Variants in PRRT2 observed in about 807,000 individuals in gnomAD.
PRRT2 encodes proline rich transmembrane protein 2, also known as proline-rich transmembrane protein 2.
Under a neutral mutation model 24.7 loss-of-function variants are expected in PRRT2, and 9 were observed. That is an observed-to-expected ratio of 0.36 (90% CI 0.22 to 0.64). The LOEUF is 0.64. Among genes scored for constraint, PRRT2 ranks in the 30% least tolerant of loss-of-function variants. The probability of loss-of-function intolerance (pLI) is 0.65; values close to 1 mark genes in which losing one functional copy is unlikely to be tolerated. For synonymous variants in PRRT2, 195 were observed against 175.5 expected (o/e 1.11, Z -0.88); for missense variants, 460 against 435.0 (o/e 1.06, Z -0.51).
intron 1 of PRRT2, 34 bp from the exon 2 acceptor site, chr16:29,812,956 C>T: frequency 7.4e-7 from 1 of 1,355,922 alleles, no homozygotes; most frequent in Admixed American, 2.3e-5. Flanking sequence ...GCCCTCTTCC[C>T]TCCTCACCCC....
Position 29,813,653 on chromosome 16 carries a change from C to G in PRRT2, c.599C>G (p.Pro200Arg), listed in dbSNP as rs764829321. The G allele has an allele frequency of 3.1e-6, 5 of 1,611,906 alleles. No individual in the cohort carries two copies. Among genetic ancestry groups the G allele is most frequent in the African/African-American group, 1.3e-5 (1 of 74,860 alleles). Residue 200 changes from proline (P) to arginine (R), a missense_variant, in exon 2 of 4, where the codon CCT (proline) becomes CGT (arginine). Physicochemically the swap from Pro to Arg is moderately radical, Grantham distance 103 (BLOSUM62 -2). Transcript: ENST00000358758. Reference sequence around the variant, plus strand: ...GGGGAAGAGGGCCCAGCCCCTGAGCCTCACTCACCACCCTCAAAAAAATCC... The same window carrying G: ...GGGGAAGAGGGCCCAGCCCCTGAGCGTCACTCACCACCCTCAAAAAAATCC... Reference protein sequence around the residue: ...GDGEEGPAPEPHSPPSKKSPP... With the variant: ...GDGEEGPAPERHSPPSKKSPP...
In PRRT2 at chr16:29,813,598, G is replaced by A; in HGVS notation, c.544G>A (p.Gly182Arg). Residue 182 changes from glycine (G) to arginine (R), a missense_variant, in exon 2 of 4, where the codon GGG becomes AGG. Around this residue, in one of 3 missense-constraint regions of PRRT2, gnomAD observed 378 missense variants for 324.6 expected, o/e 1.16. Transcript: ENST00000358758. Reference sequence around the variant, plus strand: ...GAGTGTAGGGGAAAAGCAAGAGAATGGGGCAGTGGTGCCCCTGCAGGCTGG... The same window carrying A: ...GAGTGTAGGGGAAAAGCAAGAGAATAGGGCAGTGGTGCCCCTGCAGGCTGG... ...SESVGEKQEN[G>R]AVVPLQAGDG... 1.2e-6 allele frequency: 2 copies of A among 1,613,476 alleles called. No individual in the cohort carries two copies. The highest frequency in any genetic ancestry group is 1.7e-6 in the Non-Finnish European group (2 of 1,179,676).
In PRRT2 at chr16:29,814,116, C is replaced by T; in HGVS notation, c.879+183C>T. Reference sequence around the variant, plus strand: ...GACCTAACCCTCTGAGCCACCACTGCCCTGCCCCTTTGGGTGGGAGGGATA... The same window carrying T: ...GACCTAACCCTCTGAGCCACCACTGTCCTGCCCCTTTGGGTGGGAGGGATA... On this transcript the variant is annotated intron_variant, in intron 2 of 3. Transcript: ENST00000358758. This position sits in a 1 kb window ranked among gnomAD's most constrained non-coding sequence, Gnocchi z 4.1. 1 of 1,480,050 alleles carries T rather than the reference C, an allele frequency of 6.8e-7. No homozygotes were observed. The highest frequency in any genetic ancestry group is 8.9e-7 in the Non-Finnish European group (1 of 1,124,564). The allele number at this position is 1,480,050 out of a possible 1,614,324, so 91.7% of individuals were successfully genotyped here.
At position 29,812,227 on chromosome 16, in the gene PRRT2, G is replaced by GCCTC. The variant is rs917811842; in HGVS notation, c.-150_-147dup. On this transcript the variant is annotated 5_prime_UTR_variant, in exon 1 of 4. Coordinates refer to ENST00000358758, the MANE Select transcript of PRRT2 (RefSeq NM_145239.3). Reference sequence around the variant, plus strand: ...GGAGAGGAGAAGAGGGAGACCCGCCGCCTCCCTCCCTCCCTAGCTGACTTG... The same window carrying GCCTC: ...GGAGAGGAGAAGAGGGAGACCCGCCGCCTCCCTCCCTCCCTCCCTAGCTGACTTG... The GCCTC allele has an allele frequency of 3.7e-5, 6 of 163,154 alleles. No individual in the cohort carries two copies. Among genetic ancestry groups the GCCTC allele is most frequent in the African/African-American group, 1.2e-4 (5 of 41,464 alleles). 10.1% of individuals were successfully genotyped at this position (163,154 alleles called of 1,614,324 possible).
In PRRT2 at chr16:29,813,461, C is replaced by G. The variant is rs11556731; in HGVS notation, c.407C>G (p.Pro136Arg). The change falls in exon 2 of 4, where the codon CCA becomes CGA. Residue 136 changes from proline (P) to arginine (R), a missense_variant. Physicochemically the swap from Pro to Arg is moderately radical, Grantham distance 103 (BLOSUM62 -2). Coordinates refer to ENST00000358758, the MANE Select transcript of PRRT2 (RefSeq NM_145239.3). ...LESAAPPEPA[P>R]EPAPQPDPRP... ...TCTGCAGCCCCACCTGAACCAGCCCCAGAGCCTGCTCCCCAACCAGACCCC... is the reference window on the plus strand; with the variant it reads ...TCTGCAGCCCCACCTGAACCAGCCCGAGAGCCTGCTCCCCAACCAGACCCC... 6.2e-7 allele frequency: 1 copy of G among 1,613,910 alleles called. No individual in the cohort carries two copies. Among genetic ancestry groups the G allele is most frequent in the Non-Finnish European group, 8.5e-7 (1 of 1,179,906 alleles).
In PRRT2 at chr16:29,814,057, C is replaced by T. The variant is rs1900124142; in HGVS notation, c.879+124C>T. The T allele has an allele frequency of 3.4e-6, 5 of 1,481,752 alleles. No homozygotes were observed. The highest frequency in any genetic ancestry group is 4.4e-6 in the Non-Finnish European group (5 of 1,124,050). 91.8% of individuals were successfully genotyped at this position (1,481,752 alleles called of 1,614,324 possible). A position where few individuals can be genotyped will look rare whatever the true frequency, so the allele number is the denominator to read the frequency against. The stretch of plus-strand genomic sequence containing the variant: ...CTCCTCTCTGCATGGATCCCACCTC[C>T]CCAATTCCAGGGCCTTTGTTTGCCT... On this transcript the variant is annotated intron_variant, in intron 2 of 3. Coordinates refer to ENST00000358758, the MANE Select transcript of PRRT2 (RefSeq NM_145239.3). This position sits in a 1 kb window ranked among gnomAD's most constrained non-coding sequence, Gnocchi z 4.1.
Position 29,814,079 on chromosome 16 carries a change from G to T in PRRT2, c.879+146G>T. 1.2e-5 allele frequency: 18 copies of T among 1,470,162 alleles called. No homozygotes were observed. Among genetic ancestry groups the T allele is most frequent in the Non-Finnish European group, 1.6e-5 (18 of 1,119,214 alleles). 91.1% of individuals were successfully genotyped at this position (1,470,162 alleles called of 1,614,324 possible). ...CTCCCCAATTCCAGGGCCTTTGTTT[G>T]CCTCTCCCTAGGACCTAACCCTCTG... On this transcript the variant is annotated intron_variant, in intron 2 of 3. Coordinates refer to ENST00000358758, the MANE Select transcript of PRRT2 (RefSeq NM_145239.3). The surrounding 1 kb of genome is among the most constrained non-coding windows in gnomAD (Gnocchi z 4.1).
In PRRT2 at chr16:29,814,132, G is replaced by A; in HGVS notation, c.879+199G>A. On this transcript the variant is annotated intron_variant, in intron 2 of 3. Transcript: ENST00000358758. This position sits in a 1 kb window ranked among gnomAD's most constrained non-coding sequence, Gnocchi z 4.1. ...CCACCACTGCCCTGCCCCTTTGGGT[G>A]GGAGGGATATGGAAACACGTGTCAC... 1 of 1,484,568 alleles carries A rather than the reference G, an allele frequency of 6.7e-7. No individual in the cohort carries two copies. Among genetic ancestry groups the A allele is most frequent in the Non-Finnish European group, 8.9e-7 (1 of 1,126,546 alleles). The allele number at this position is 1,484,568 out of a possible 1,614,324, so 92.0% of individuals were successfully genotyped here.
chr16:29,814,193 C>T lies in PRRT2; in HGVS notation c.880-140C>T. On this transcript the variant is annotated intron_variant, in intron 2 of 3. Coordinates refer to ENST00000358758, the MANE Select transcript of PRRT2 (RefSeq NM_145239.3). This position sits in a 1 kb window ranked among gnomAD's most constrained non-coding sequence, Gnocchi z 4.1. ...TGACCTGTGCCCTCCTCCCCCTGCC[C>T]CTTCACTCCTCCTTCCTCCCTTACC... 1 of 1,494,170 alleles carries T rather than the reference C, an allele frequency of 6.7e-7. No individual in the cohort carries two copies. The allele number at this position is 1,494,170 out of a possible 1,614,324, so 92.6% of individuals were successfully genotyped here.
rs1367438334 is a variant in PRRT2 at position 29,814,950 on chromosome 16, C to G, written c.*312C>G. ...GCACTCTGGAAACCTCCCTGAACAC[C>G]TCCCCAACTCTGCGCTCTCAGCCTC... On this transcript the variant is annotated 3_prime_UTR_variant, in exon 4 of 4. Coordinates refer to ENST00000358758, the MANE Select transcript of PRRT2 (RefSeq NM_145239.3). This position sits in a 1 kb window ranked among gnomAD's most constrained non-coding sequence, Gnocchi z 4.1. 2.6e-6 allele frequency: 1 copy of G among 388,816 alleles called. No homozygotes were observed. Among genetic ancestry groups the G allele is most frequent in the East Asian group, 4.4e-5 (1 of 22,498 alleles). The allele number at this position is 388,816 out of a possible 1,614,324, so 24.1% of individuals were successfully genotyped here.
rs1425079924 is a variant in PRRT2 at position 29,813,095 on chromosome 16, T to C, written c.41T>C (p.Val14Ala). The C allele has an allele frequency of 2.5e-6, 4 of 1,612,624 alleles. No homozygotes were observed. The highest frequency in any genetic ancestry group is 3.4e-6 in the Non-Finnish European group (4 of 1,179,462). Reference protein sequence around the residue: ...SSSEISEMKGVEESPKVPGEG... With the variant: ...SSSEISEMKGAEESPKVPGEG... ...TCTGAGATCTCTGAGATGAAGGGGG[T>C]TGAGGAGAGTCCCAAGGTTCCAGGC... is the stretch of plus-strand genomic sequence containing the variant. The change falls in exon 2 of 4, where the codon GTT (valine) becomes GCT (alanine). Residue 14 changes from valine (V) to alanine (A), a missense_variant. By Grantham distance (64) the Val-to-Ala change is moderately conservative. Coordinates refer to ENST00000358758, the MANE Select transcript of PRRT2 (RefSeq NM_145239.3).
chr16:29,814,112 A>G lies in PRRT2; in HGVS notation c.879+179A>G. 6.8e-7 allele frequency: 1 copy of G among 1,475,012 alleles called. No homozygotes were observed. The highest frequency in any genetic ancestry group is 8.9e-7 in the Non-Finnish European group (1 of 1,122,076). The allele number at this position is 1,475,012 out of a possible 1,614,324, so 91.4% of individuals were successfully genotyped here. ...CTAGGACCTAACCCTCTGAGCCACC[A>G]CTGCCCTGCCCCTTTGGGTGGGAGG... On this transcript the variant is annotated intron_variant, in intron 2 of 3. Coordinates refer to ENST00000358758, the MANE Select transcript of PRRT2 (RefSeq NM_145239.3). This position sits in a 1 kb window ranked among gnomAD's most constrained non-coding sequence, Gnocchi z 4.1.
At position 29,815,628 on chromosome 16, in the gene PRRT2, T is replaced by C. The variant is rs1404618243; in HGVS notation, c.*990T>C. On this transcript the variant is annotated 3_prime_UTR_variant, in exon 4 of 4. Transcript: ENST00000358758. ...GGCGCCGCGCTCTATAATTATTTTC[T>C]AAGATGATGGGGGAGGTTTGTTGCA... is the stretch of plus-strand genomic sequence containing the variant. 1 of 150,408 alleles carries C rather than the reference T, an allele frequency of 6.6e-6. No individual in the cohort carries two copies. The highest frequency in any genetic ancestry group is 2.5e-5 in the African/African-American group (1 of 40,650). The allele number at this position is 150,408 out of a possible 1,614,324, so 9.3% of individuals were successfully genotyped here.
In PRRT2 at chr16:29,814,270, T is replaced by A; in HGVS notation, c.880-63T>A. ...TCTTCTGGATGACTTTTCCACCTGA[T>A]CCCTTCTGGGCTGGCTTCTCCTGAC... On this transcript the variant is annotated intron_variant, in intron 2 of 3. Coordinates refer to ENST00000358758, the MANE Select transcript of PRRT2 (RefSeq NM_145239.3). The surrounding 1 kb of genome is among the most constrained non-coding windows in gnomAD (Gnocchi z 4.1). 6.6e-7 allele frequency: 1 copy of A among 1,514,854 alleles called. No individual in the cohort carries two copies. Among genetic ancestry groups the A allele is most frequent in the Non-Finnish European group, 8.8e-7 (1 of 1,141,198 alleles). 93.8% of individuals were successfully genotyped at this position (1,514,854 alleles called of 1,614,324 possible).
Position 29,814,036 on chromosome 16 carries a change from T to A in PRRT2, c.879+103T>A, listed in dbSNP as rs950600161. 9 of 1,499,170 alleles carry A rather than the reference T, an allele frequency of 6.0e-6. No homozygotes were observed. The highest frequency in any genetic ancestry group is 8.0e-6 in the Non-Finnish European group (9 of 1,131,122). 92.9% of individuals were successfully genotyped at this position (1,499,170 alleles called of 1,614,324 possible). On this transcript the variant is annotated intron_variant, in intron 2 of 3. Coordinates refer to ENST00000358758, the MANE Select transcript of PRRT2 (RefSeq NM_145239.3). The surrounding 1 kb of genome is among the most constrained non-coding windows in gnomAD (Gnocchi z 4.1). ...TAATCATGCCTTCCTTCCCCTCTCC[T>A]CTCTGCATGGATCCCACCTCCCCAA...
Position 29,813,812 on chromosome 16 carries a change from G to A in PRRT2, c.758G>A (p.Gly253Asp), listed in dbSNP as rs1277269772. 2.5e-6 allele frequency: 4 copies of A among 1,613,182 alleles called. No individual in the cohort carries two copies. The highest frequency in any genetic ancestry group is 2.2e-5 in the South Asian group (2 of 90,996). The change falls in exon 2 of 4, where the codon GGT becomes GAT. Residue 253 changes from glycine (G) to aspartate (D), a missense_variant. Coordinates refer to ENST00000358758, the MANE Select transcript of PRRT2 (RefSeq NM_145239.3). Reference protein sequence around the residue: ...LSRHPSSQLAGPGVEGGEGTQ... With the variant: ...LSRHPSSQLADPGVEGGEGTQ... ...CGCCACCCCAGCTCCCAGTTGGCAGGTCCTGGGGTGGAGGGGGGTGAAGGC... is the reference window on the plus strand; with the variant it reads ...CGCCACCCCAGCTCCCAGTTGGCAGATCCTGGGGTGGAGGGGGGTGAAGGC...
In PRRT2 at chr16:29,814,074, T is replaced by C; in HGVS notation, c.879+141T>C. On this transcript the variant is annotated intron_variant, in intron 2 of 3. Transcript: ENST00000358758. The surrounding 1 kb of genome is among the most constrained non-coding windows in gnomAD (Gnocchi z 4.1). ...CCCACCTCCCCAATTCCAGGGCCTT[T>C]GTTTGCCTCTCCCTAGGACCTAACC... 2 of 1,472,808 alleles carry C rather than the reference T, an allele frequency of 1.4e-6. No homozygotes were observed. Among genetic ancestry groups the C allele is most frequent in the Middle Eastern group, 5.0e-4 (2 of 4,004 alleles). The allele number at this position is 1,472,808 out of a possible 1,614,324, so 91.2% of individuals were successfully genotyped here. A position where few individuals can be genotyped will look rare whatever the true frequency, so the allele number is the denominator to read the frequency against.
In PRRT2 at chr16:29,813,437, C is replaced by T; in HGVS notation, c.383C>T (p.Ser128Phe). The T allele has an allele frequency of 6.2e-7, 1 of 1,614,118 alleles. No individual in the cohort carries two copies. The highest frequency in any genetic ancestry group is 8.5e-7 in the Non-Finnish European group (1 of 1,179,986). ...GCAGACCAGGGGTCCAGGCTGGAGT[C>T]TGCAGCCCCACCTGAACCAGCCCCA... ...ATADQGSRLE[S>F]AAPPEPAPEP... is the part of the protein sequence containing the mutation. The change falls in exon 2 of 4, where the codon TCT (serine) becomes TTT (phenylalanine). Residue 128 changes from serine (S) to phenylalanine (F), a missense_variant. Physicochemically the swap from Ser to Phe is radical, Grantham distance 155. Around this residue, in one of 3 missense-constraint regions of PRRT2, gnomAD observed 378 missense variants for 324.6 expected, o/e 1.16. Transcript: ENST00000358758.
chr16:29,813,769 C>T lies in PRRT2; in HGVS notation c.715C>T (p.Pro239Ser), dbSNP rs1900104894. The stretch of plus-strand genomic sequence containing the variant: ...GGCACACAGTGGGCATCCAGGATCT[C>T]CCCGAGGTAGCCTGAGCCGCCACCC... ...RRAHSGHPGS[P>S]RGSLSRHPSS... is the part of the protein sequence containing the mutation. The change falls in exon 2 of 4, where the codon CCC (proline) becomes TCC (serine). Residue 239 changes from proline (P) to serine (S), a missense_variant. Physicochemically the swap from Pro to Ser is moderately conservative, Grantham distance 74. Transcript: ENST00000358758. 3.1e-6 allele frequency: 5 copies of T among 1,599,066 alleles called. No individual in the cohort carries two copies. The highest frequency in any genetic ancestry group is 4.3e-6 in the Non-Finnish European group (5 of 1,172,310).
Sources: gnomAD v4.1 joint callset for allele counts on GRCh38, gnomAD v4.1.1 for gene constraint, gnomAD v4.1.1 regional missense constraint, Gnocchi (gnomAD v3.1) non-coding constraint, MANE v1.5 for transcripts, NCBI Gene and HGNC (gene_info 2026-07-23, HGNC 2026-07-21) for gene names.